GPM6B: variants seen among roughly 807,000 people sequenced by gnomAD.
GPM6B encodes neuronal membrane glycoprotein M6-b.
Under a neutral mutation model 27.2 loss-of-function variants are expected in GPM6B, and 4 were observed. That is an observed-to-expected ratio of 0.15 (90% CI 0.07 to 0.34). GPM6B has a LOEUF of 0.34. Ranked by LOEUF, GPM6B falls within the 10% of genes least tolerant of loss-of-function variation. GPM6B has a pLI of 1.00. For missense variants in GPM6B, 183 were observed against 261.9 expected (o/e 0.70, Z 2.08); for synonymous variants, 124 against 103.1 (o/e 1.20, Z -1.23).
intron 1 of GPM6B, among the ~76,000 whole-genome samples, chrX:13,809,691 C>T (rs897478626): frequency 7.2e-5 from 8 of 110,683 alleles, no homozygotes; most frequent in Non-Finnish European, 1.3e-4. Context: ...AATTCCAACA[C>T]TCTGGGAGGC....
At chrX:13,795,355 C>T (rs2048789993) in intron 2 of GPM6B, among the ~76,000 whole-genome samples, 1 of 112,270 alleles carries the variant, frequency 8.9e-6, no homozygotes, top group African/African-American at 3.2e-5. Flanking sequence ...TAAGAAACCA[C>T]TAGCTGCTGA....
intron 5 of GPM6B, among the ~76,000 whole-genome samples, chrX:13,778,211 G>A (rs2048450651): frequency 9.0e-6 from 1 of 110,630 alleles, no homozygotes; most frequent in African/African-American, 3.3e-5. Flanking sequence ...GCCATGCCCA[G>A]CTAAGTTTTG....
intron 1 of GPM6B, among the ~76,000 whole-genome samples, chrX:13,845,372 C>T (rs770376834): frequency 1.8e-5 from 2 of 111,663 alleles, no homozygotes; most frequent in Non-Finnish European, 3.8e-5. Context: ...ATAAATTTGC[C>T]AATTTCCATC....
intron 1 of GPM6B, among the ~76,000 whole-genome samples, chrX:13,826,563 C>CATACAT (rs1569239981): frequency 0.065 from 4,402 of 67,967 alleles, 162 homozygotes; most frequent in African/African-American, 0.13. Context: ...CATACATACA[C>CATACAT]ACATACATAC....
intron 1 of GPM6B, among the ~76,000 whole-genome samples, chrX:13,849,434 C>G (rs889531115): frequency 8.9e-6 from 1 of 112,665 alleles, no homozygotes; most frequent in African/African-American, 3.2e-5. Context: ...TTCATACACA[C>G]AGTCATTGCC....
chrX:13,874,423 C>T lies in GPM6B; in HGVS notation c.-198+63904G>A, dbSNP rs368296637. Among the ~76,000 whole-genome samples the T allele has an allele frequency of 1.4e-4, 16 of 110,480 alleles. No homozygotes were observed. The East Asian group carries it at 2.6e-3, about 18-fold the overall frequency. ...TTTAAAGTGGGAGGCCCAGGGTAGG[C>T]GCAGTGGCCCACGCCTATAATCTCA... On this transcript the variant is annotated intron_variant, in intron 1 of 6. Transcript: ENST00000398361.
chrX:13,822,002 C>T (rs2049313417), upstream of GPM6B, among the ~76,000 whole-genome samples: 1 of 111,991 alleles, frequency 8.9e-6, no homozygotes, highest in Admixed American at 9.5e-5. Context: ...ACATAGCTAG[C>T]AAAGACTTTG....
At chrX:13,876,615 G>T (rs1183653378) in intron 1 of GPM6B, among the ~76,000 whole-genome samples, 1 of 111,545 alleles carries the variant, frequency 9.0e-6, no homozygotes, top group Non-Finnish European at 1.9e-5. Flanking sequence ...CCAGCCAGAT[G>T]GTCAATGGTG....
At chrX:13,872,005 T>C (rs1034745831) in intron 1 of GPM6B, among the ~76,000 whole-genome samples, 3 of 111,155 alleles carry the variant, frequency 2.7e-5, no homozygotes, top group African/African-American at 6.6e-5. Flanking sequence ...ACAGCTTTCC[T>C]TGTGGATATA....
upstream of GPM6B, chrX:13,817,401 A>T (rs1477963038): frequency 2.7e-6 from 2 of 738,091 alleles, no homozygotes; most frequent in African/African-American, 2.3e-5. Flanking sequence ...GATTTGTGAC[A>T]TCAGAGGAGG....
intron 1 of GPM6B, among the ~76,000 whole-genome samples, chrX:13,886,775 T>C (rs1179939257): frequency 2.0e-5 from 2 of 99,709 alleles, no homozygotes; most frequent in Non-Finnish European, 3.9e-5. Flanking sequence ...GTTTGATGTA[T>C]GATGTTGGGT....
At chrX:13,871,101 AAACAAAACAAAAC>A (rs1477913127) in intron 1 of GPM6B, among the ~76,000 whole-genome samples, 80 of 37,099 alleles carry the variant, frequency 2.2e-3, no homozygotes, top group African/African-American at 3.9e-3. Flanking sequence ...AAACAAAACA[AAACAAAACAAAAC>A]AAAAAAAAAA....
rs764917599 is a variant in GPM6B, at chrX:13,898,949, T to C, written c.-198+39378A>G. Among the ~76,000 whole-genome samples the C allele has an allele frequency of 5.4e-5, 6 of 111,808 alleles. No individual in the cohort carries two copies. In the South Asian group the frequency reaches 2.3e-3, roughly 42 times the overall value. ...CTAATTTTAAAAGCGGATCTACATA[T>C]TAAAAATAACTGAAGATACAGAACA... On this transcript the variant is annotated intron_variant, in intron 1 of 6. Coordinates refer to the GPM6B transcript ENST00000398361.
rs758462801 is a variant in GPM6B, at chrX:13,794,199, T to C, written c.182-8391A>G. Among the ~76,000 whole-genome samples, 11 of 107,964 alleles carry C rather than the reference T, an allele frequency of 1.0e-4. No homozygotes were observed. The East Asian group carries it at 1.7e-3, about 17-fold the overall frequency. 93.8% of individuals were successfully genotyped at this position (107,964 alleles called of 115,157 possible). A position where few individuals can be genotyped will look rare whatever the true frequency, so the allele number is the denominator to read the frequency against. The stretch of plus-strand genomic sequence containing the variant: ...CTCTCTCTCTCTCTTTTTTTTTTTT[T>C]TCCCAGATACAATCTCACTCTGTTA... On this transcript the variant is annotated intron_variant, in intron 2 of 7. Transcript: ENST00000316715.
At chrX:13,774,367 T>A (rs1361962070) in intron 7 of GPM6B, 1 of 1,027,708 alleles carries the variant, frequency 9.7e-7, no homozygotes, top group Non-Finnish European at 1.2e-6. Flanking sequence ...CAGATCTCAT[T>A]ATTGTGTAAT....
At chrX:13,782,703 T>C (rs1168359516) in intron 4 of GPM6B, among the ~76,000 whole-genome samples, 1 of 94,194 alleles carries the variant, frequency 1.1e-5, no homozygotes, top group African/African-American at 4.1e-5. Flanking sequence ...TTGCAGTTAG[T>C]GGAGATCGCG....
At chrX:13,845,138 C>T (rs1051462179) in intron 1 of GPM6B, among the ~76,000 whole-genome samples, 1 of 110,044 alleles carries the variant, frequency 9.1e-6, no homozygotes, top group Non-Finnish European at 1.9e-5. Context: ...TACAGGCATA[C>T]GTCACCATGC....
At chrX:13,833,397 G>A (rs750007924) in intron 1 of GPM6B, among the ~76,000 whole-genome samples, 2 of 110,102 alleles carry the variant, frequency 1.8e-5, no homozygotes, top group Admixed American at 2.0e-4. Flanking sequence ...ATAGTGCAAT[G>A]TTAGCAACAT....
upstream of GPM6B, among the ~76,000 whole-genome samples, chrX:13,821,591 CT>C (rs917178361): frequency 6.3e-5 from 7 of 110,993 alleles, no homozygotes; most frequent in African/African-American, 1.3e-4. Context: ...AATCAAATCA[CT>C]TTTTTTTTCT....
Sources: allele counts gnomAD v4.1 joint callset (sites outside exome capture counted in the v4.1 genomes callset), GRCh38; gene constraint gnomAD v4.1.1; transcripts MANE v1.5; gene names NCBI Gene and HGNC (gene_info 2026-07-23, HGNC 2026-07-21).